The following ECHDC1 variants were observed in gnomAD, a reference collection of about 807,000 sequenced individuals.
ECHDC1 encodes the protein ethylmalonyl-CoA decarboxylase.
In ECHDC1, 29 loss-of-function variants were observed where a neutral mutation model predicts 29.7. That is an observed-to-expected ratio of 0.98 (90% CI 0.73 to 1.33). The LOEUF (loss-of-function observed/expected upper bound fraction) is 1.33, where lower values mean the gene tolerates loss of function less well. Ranked by LOEUF, ECHDC1 falls within the 40% of genes most tolerant of loss-of-function variation. ECHDC1 has a pLI of 0.00. For synonymous variants in ECHDC1, 126 were observed against 123.1 expected, an observed-to-expected ratio of 1.02 and a Z score of -0.15; for missense variants, 328 against 350.0, an observed-to-expected ratio of 0.94 and a Z score of 0.50.
At chr6:127,322,004 A>G (rs1782865637) in intron 3 of ECHDC1, among the ~76,000 whole-genome samples, 2 of 151,898 alleles carry the variant, frequency 1.3e-5, no homozygotes, top group East Asian at 3.9e-4. Context: ...CTCCATCTCA[A>G]AATAAACAAA....
At chr6:127,299,122 C>G (rs1457430091) in intron 5 of ECHDC1, among the ~76,000 whole-genome samples, 1 of 152,106 alleles carries the variant, frequency 6.6e-6, no homozygotes, top group Non-Finnish European at 1.5e-5. Context: ...CTGCCTTGGC[C>G]TTCCAAAATG....
intron 5 of ECHDC1, among the ~76,000 whole-genome samples, chr6:127,300,880 G>A (rs1369186776): frequency 6.6e-6 from 1 of 152,158 alleles, no homozygotes; most frequent in Non-Finnish European, 1.5e-5. Context: ...CACAGAATTT[G>A]TGGTAGTTTG....
rs1251286196 is a variant in ECHDC1, at chr6:127,343,562, C to T, written c.-229G>A. 6.6e-6 allele frequency: 1 copy of T among 152,210 alleles called. No homozygotes were observed. Among genetic ancestry groups the T allele is most frequent in the Non-Finnish European group, 1.5e-5 (1 of 68,104 alleles). 9.4% of individuals were successfully genotyped at this position (152,210 alleles called of 1,614,324 possible). A position where few individuals can be genotyped will look rare whatever the true frequency, so the allele number is the denominator to read the frequency against. On this transcript the variant is annotated 5_prime_UTR_variant, in exon 1 of 6. Transcript: ENST00000454859. ...TGCCGGTTCCCGTGACCCCGGAAAT[C>T]CCGCTCCTGCCGCGAGGCGCCCTCC...
chr6:127,342,326 A>G (rs1409096943), intron 1 of ECHDC1: 1 of 1,538,514 alleles, frequency 6.5e-7, no homozygotes, highest in African/African-American at 1.4e-5. Flanking sequence ...CAACTCTCCA[A>G]CTACCCTGTT....
chr6:127,324,699 CA>C (rs1783152203), intron 3 of ECHDC1, among the ~76,000 whole-genome samples: 1 of 152,134 alleles, frequency 6.6e-6, no homozygotes, highest in African/African-American at 2.4e-5. Context: ...AGGGAGTACT[CA>C]AAAAACAAAA....
chr6:127,342,617 T>G, intron 1 of ECHDC1: 1 of 456,812 alleles, frequency 2.2e-6, no homozygotes, highest in Non-Finnish European at 3.9e-6. Flanking sequence ...CCTTGTCCAG[T>G]TCCTCTGCAT....
At chr6:127,338,778 AT>A (rs1784657247) in intron 1 of ECHDC1, among the ~76,000 whole-genome samples, 1 of 152,174 alleles carries the variant, frequency 6.6e-6, no homozygotes, top group South Asian at 2.1e-4. Context: ...GTTGAAATTT[AT>A]GTTACATTGC....
chr6:127,337,994 G>A (rs1784582462), intron 1 of ECHDC1, among the ~76,000 whole-genome samples: 1 of 152,054 alleles, frequency 6.6e-6, no homozygotes, highest in South Asian at 2.1e-4. Context: ...AAACAGGATG[G>A]TATTCTTCAC....
At chr6:127,291,511 A>G (rs1382862439) in intron 5 of ECHDC1, among the ~76,000 whole-genome samples, 1 of 152,084 alleles carries the variant, frequency 6.6e-6, no homozygotes, top group Non-Finnish European at 1.5e-5. Flanking sequence ...AGGATGATTA[A>G]TAAGAAAGTA....
intron 5 of ECHDC1, among the ~76,000 whole-genome samples, chr6:127,298,783 C>T (rs1427398190): frequency 6.6e-6 from 1 of 151,994 alleles, no homozygotes; most frequent in Non-Finnish European, 1.5e-5. Context: ...TGCACTGCTA[C>T]CTGTACAGAA....
chr6:127,320,337 G>A (rs990419345), intron 3 of ECHDC1, among the ~76,000 whole-genome samples: 2 of 152,100 alleles, frequency 1.3e-5, no homozygotes, highest in East Asian at 1.9e-4. Context: ...AAATTAATCA[G>A]GGTATGGTAC....
In ECHDC1 at chr6:127,289,794, T is replaced by C. The variant is rs537369964; in HGVS notation, c.*75A>G. 1.7e-4 allele frequency: 233 copies of C among 1,376,890 alleles called. 6 individuals carry two copies. The South Asian group carries it at 3.3e-3, about 19-fold the overall frequency. 85.3% of individuals were successfully genotyped at this position (1,376,890 alleles called of 1,614,324 possible). The stretch of plus-strand genomic sequence containing the variant: ...GCCTTCAAAGTAATTCTGATGTTCA[T>C]ATTTAATATCATTTAACATTTATAC... On this transcript the variant is annotated 3_prime_UTR_variant, in exon 6 of 6. Transcript: ENST00000454859.
At position 127,305,784 on chromosome 6, in the gene ECHDC1, T is replaced by G. The variant is rs549947714; in HGVS notation, c.497+9032A>C. On this transcript the variant is annotated intron_variant, in intron 5 of 5. Transcript: ENST00000454859. ...TTTGCAAGCCTAATAAGATGCAGTA[T>G]TTGCAAGCCAAAAAACATAAAAGAT... is the stretch of plus-strand genomic sequence containing the variant. 4.6e-5 allele frequency among the ~76,000 whole-genome samples: 7 copies of G among 152,158 alleles called. No homozygotes were observed. In the South Asian group the frequency reaches 1.0e-3, roughly 23 times the overall value.
At position 127,343,359 on chromosome 6, in the gene ECHDC1, T is replaced by G. The variant is rs1785134389; in HGVS notation, c.-26A>C. The stretch of plus-strand genomic sequence containing the variant: ...ACCGTCGCAGGCCACGGTGGTGACT[T>G]CCTTTTCCGCTCCCCTACACACGCT... On this transcript the variant is annotated 5_prime_UTR_variant, in exon 1 of 6. Transcript: ENST00000454859. The G allele has an allele frequency of 6.6e-6, 1 of 152,382 alleles. No homozygotes were observed. Among genetic ancestry groups the G allele is most frequent in the Non-Finnish European group, 1.5e-5 (1 of 68,242 alleles). 9.4% of individuals were successfully genotyped at this position (152,382 alleles called of 1,614,324 possible). A position where few individuals can be genotyped will look rare whatever the true frequency, so the allele number is the denominator to read the frequency against.
intron 3 of ECHDC1, among the ~76,000 whole-genome samples, chr6:127,323,363 C>T (rs776815052): frequency 1.3e-5 from 2 of 152,002 alleles, no homozygotes; most frequent in African/African-American, 4.8e-5. Context: ...GTGCTATAAC[C>T]GTTCAGATAC....
intron 5 of ECHDC1, among the ~76,000 whole-genome samples, chr6:127,299,967 G>T (rs1018890701): frequency 1.3e-5 from 2 of 152,080 alleles, no homozygotes; most frequent in African/African-American, 4.8e-5. Flanking sequence ...CAGGTTTGTA[G>T]CCTAGGAGCA....
At chr6:127,332,494 G>C (rs1242602392) in intron 1 of ECHDC1, among the ~76,000 whole-genome samples, 1 of 152,022 alleles carries the variant, frequency 6.6e-6, no homozygotes, top group Non-Finnish European at 1.5e-5. Context: ...GGAGACATGG[G>C]ACATCAATCA....
intron 2 of ECHDC1, among the ~76,000 whole-genome samples, chr6:127,329,381 A>C (rs1296956344): frequency 1.3e-5 from 2 of 152,110 alleles, no homozygotes; most frequent in African/African-American, 2.4e-5. Context: ...ATATGTTTCT[A>C]ATTGAATAAA....
chr6:127,297,340 T>G (rs560415278), intron 5 of ECHDC1, among the ~76,000 whole-genome samples: 52 of 152,190 alleles, frequency 3.4e-4, no homozygotes, highest in African/African-American at 1.3e-3. Flanking sequence ...ATTCAAGACA[T>G]AAAATAAGGC....
Sources: gnomAD v4.1 joint callset for allele counts (sites outside exome capture counted in the v4.1 genomes callset) on GRCh38, gnomAD v4.1.1 for gene constraint, MANE v1.5 for transcripts, NCBI Gene and HGNC (gene_info 2026-07-23, HGNC 2026-07-21) for gene names.